Variants in CD99 observed in about 807,000 individuals in gnomAD.
CD99 encodes CD99 molecule (Xg blood group), also known as CD99 antigen.
CD99 carries 19 observed loss-of-function variants against 28.4 expected under a neutral mutation model. That is an observed-to-expected ratio of 0.67 (90% CI 0.47 to 0.98). CD99 has a LOEUF of 0.98. Among genes scored for constraint, CD99 ranks in the 50% least tolerant of loss-of-function variants. The pLI, the probability that CD99 is intolerant of heterozygous loss-of-function variation, is 0.00. For missense variants in CD99, 283 were observed against 248.8 expected (o/e 1.14, Z -0.92); for synonymous variants, 103 against 92.1 (o/e 1.12, Z -0.67).
intron 3 of CD99, 44 bp from the exon 4 acceptor site, chrX:2,719,617 T>G: frequency 2.6e-6 from 4 of 1,563,468 alleles, no homozygotes; most frequent in African/African-American, 1.4e-5. Context: ...CCTTCCTCGT[T>G]TCTCTCTGGA....
intron 5 of CD99, 120 bp downstream of exon 5, chrX:2,720,544 G>A: frequency 1.4e-6 from 1 of 691,406 alleles, no homozygotes; most frequent in Non-Finnish European, 2.5e-6. Flanking sequence ...CCTGTGCAGT[G>A]TAATGCCCAT....
At chrX:2,692,254 TTC>T (rs1343169049) in intron 1 of CD99, 1 of 122,614 alleles carries the variant, frequency 8.2e-6, no homozygotes, top group Non-Finnish European at 1.6e-5. Flanking sequence ...ATGTTATAAA[TTC>T]TTTTTTCAAT....
Position 2,722,629 on chromosome X carries a change from A to G in CD99, c.265A>G (p.Ser89Gly). 3 of 1,613,914 alleles carry G rather than the reference A, an allele frequency of 1.9e-6. No homozygotes were observed. The highest frequency in any genetic ancestry group is 1.1e-5 in the South Asian group (1 of 91,066). ...PNPNHPSSSG[S>G]FSDADLADGV... is the part of the protein sequence containing the mutation. ...TGATGCTGTATTTTCTTTCCTAGGT[A>G]GCTTTTCAGATGCTGACCTTGCGGA... Residue 89 changes from serine to glycine, a missense_variant and splice_region_variant, in exon 6 of 10, where the codon AGC (serine) becomes GGC (glycine). Ser to Gly is a moderately conservative substitution (Grantham distance 56). Coordinates refer to ENST00000381192, the MANE Select transcript of CD99 (RefSeq NM_002414.5).
chrX:2,729,463 G>T (rs959022427), intron 8 of CD99, among the ~76,000 whole-genome samples: 2 of 152,088 alleles, frequency 1.3e-5, no homozygotes, highest in South Asian at 2.1e-4. Flanking sequence ...AGAAGGGGAC[G>T]CAAGGCACCA....
chrX:2,692,730 A>T (rs2047387114), intron 1 of CD99, among the ~76,000 whole-genome samples: 2 of 152,162 alleles, frequency 1.3e-5, no homozygotes, highest in Admixed American at 6.5e-5. Flanking sequence ...TATCAGCTGC[A>T]TTTGTTCCCC....
chrX:2,727,802 C>T (rs908720508), intron 8 of CD99, among the ~76,000 whole-genome samples: 13 of 152,026 alleles, frequency 8.6e-5, no homozygotes, highest in Admixed American at 5.9e-4. Context: ...ATGGAGGAGC[C>T]CCTGGGGTCC....
intron 1 of CD99, among the ~76,000 whole-genome samples, chrX:2,709,656 A>G (rs2048298360): frequency 6.8e-6 from 1 of 146,750 alleles, no homozygotes; most frequent in Admixed American, 6.8e-5. Context: ...TATATGAAAT[A>G]CACATGTACA....
intron 1 of CD99, 182 bp downstream of exon 1, chrX:2,691,609 C>G: frequency 1.4e-6 from 1 of 732,914 alleles, no homozygotes; most frequent in South Asian, 1.5e-5. Flanking sequence ...TTCTCCCCAA[C>G]GCTTTTCCTG....
intron 5 of CD99, among the ~76,000 whole-genome samples, chrX:2,722,395 A>C (rs775095378): frequency 6.6e-6 from 1 of 152,066 alleles, no homozygotes; most frequent in African/African-American, 2.4e-5. Context: ...ATCTTGGCTC[A>C]CTGCAACCTC....
chrX:2,720,808 A>G (rs1476904538), intron 5 of CD99, among the ~76,000 whole-genome samples: 1 of 151,828 alleles, frequency 6.6e-6, no homozygotes, highest in African/African-American at 2.4e-5. Context: ...TATTTTTAGT[A>G]GAGACAGGGT....
Position 2,714,420 on chromosome X carries a change from A to G in CD99, c.68-2A>G. 6.3e-7 allele frequency: 1 copy of G among 1,595,242 alleles called. No homozygotes were observed. The highest frequency in any genetic ancestry group is 8.6e-7 in the Non-Finnish European group (1 of 1,163,870). On this transcript the variant is annotated splice_acceptor_variant, in intron 1 of 9. Transcript: ENST00000381192. LOFTEE classifies it high-confidence loss of function. ...TAAGTTGACTCTTTTTTTCTCTCTT[A>G]GATGGTGGTTTCGATTTATCCGATG... is the stretch of plus-strand genomic sequence containing the variant.
intron 1 of CD99, among the ~76,000 whole-genome samples, chrX:2,713,573 A>C (rs1055612758): frequency 3.3e-5 from 5 of 152,158 alleles, no homozygotes; most frequent in Non-Finnish European, 7.4e-5. Context: ...ATATGCATGC[A>C]CGCTTCATTT....
chrX:2,723,645 G>C (rs1348022977), intron 7 of CD99, among the ~76,000 whole-genome samples: 1 of 152,144 alleles, frequency 6.6e-6, no homozygotes, highest in Admixed American at 6.5e-5. Context: ...GCTTCGCCTT[G>C]TCCTTGTGTT....
intron 6 of CD99, among the ~76,000 whole-genome samples, chrX:2,722,898 G>A (rs1312272973): frequency 1.5e-4 from 23 of 152,146 alleles, no homozygotes; most frequent in Admixed American, 1.0e-3. Context: ...CAGGGCCCAG[G>A]CAGCTGCCCC....
intron 5 of CD99, among the ~76,000 whole-genome samples, chrX:2,721,817 G>A (rs2049005619): frequency 6.6e-6 from 1 of 151,964 alleles, no homozygotes; most frequent in Admixed American, 6.6e-5. Context: ...AAAATGTTAT[G>A]TTTCTTCTGG....
At chrX:2,731,046 A>T (rs1278717584) in intron 8 of CD99, among the ~76,000 whole-genome samples, 4 of 152,198 alleles carry the variant, frequency 2.6e-5, no homozygotes, top group Non-Finnish European at 5.9e-5. Flanking sequence ...CTTGGTTTTT[A>T]TACCTGAATT....
intron 1 of CD99, chrX:2,691,638 A>G (rs1746978756): frequency 2.8e-6 from 2 of 714,362 alleles, no homozygotes; most frequent in Non-Finnish European, 5.0e-6. Context: ...CCAGAGAGAA[A>G]AGTCAGCGTT....
chrX:2,722,106 G>T (rs2049017767), intron 5 of CD99, among the ~76,000 whole-genome samples: 1 of 150,528 alleles, frequency 6.6e-6, no homozygotes, highest in African/African-American at 2.4e-5. Context: ...CTTTCTCCTG[G>T]TTTCATGACT....
At chrX:2,711,217 C>G (rs1185276141) in intron 1 of CD99, among the ~76,000 whole-genome samples, 2 of 146,452 alleles carry the variant, frequency 1.4e-5, no homozygotes, top group African/African-American at 5.0e-5. Flanking sequence ...CAAGTCAGGG[C>G]AAGTCTATAT....
Sources: gnomAD v4.1 joint callset for allele counts (sites outside exome capture counted in the v4.1 genomes callset) on GRCh38, gnomAD v4.1.1 for gene constraint, MANE v1.5 for transcripts, NCBI Gene and HGNC (gene_info 2026-07-23, HGNC 2026-07-21) for gene names.